REV1: variants seen among roughly 807,000 people sequenced by gnomAD.
REV1 encodes REV1 DNA directed polymerase.
In REV1, 42 loss-of-function variants were observed where a neutral mutation model predicts 137.4. That is an observed-to-expected ratio of 0.31 (90% CI 0.24 to 0.40). The LOEUF is 0.40. REV1 is among the 10% of genes least tolerant of loss of function. REV1 has a pLI of 1.00. For synonymous variants in REV1, 524 were observed against 519.2 expected (o/e 1.01, Z -0.12); for missense variants, 1,282 against 1,490.1 (o/e 0.86, Z 2.30).
rs746740911 is a variant in REV1 at position 99,434,427 on chromosome 2, C to A, written c.1343G>T (p.Ser448Ile). 23 of 1,601,196 alleles carry A rather than the reference C, an allele frequency of 1.4e-5. No homozygotes were observed. Among genetic ancestry groups the A allele is most frequent in the Admixed American group, 3.5e-5 (2 of 57,906 alleles). The stretch of plus-strand genomic sequence containing the variant: ...AGGTGCCCTTCCTGTGCCTCTGTTA[C>A]TTGTAACAGCCACTGGTTTTCCTGT... The part of the protein sequence containing the change: ...DLKGKPVAVT[S>I]NRGTGRAPLR... The change falls in exon 8 of 23, where the codon AGT becomes ATT. Residue 448 changes from serine (S) to isoleucine (I), a missense_variant. Physicochemically the swap from Ser to Ile is moderately radical, Grantham distance 142 (BLOSUM62 -2). This residue lies in a region of REV1 where 432 missense variants were observed against 438.0 expected (regional missense o/e 0.99). Coordinates refer to ENST00000258428, the MANE Select transcript of REV1 (RefSeq NM_016316.4).
intron 1 of REV1, among the ~76,000 whole-genome samples, chr2:99,478,130 G>C (rs898514967): frequency 6.6e-6 from 1 of 152,166 alleles, no homozygotes; most frequent in African/African-American, 2.4e-5. Context: ...CAGCTACTCG[G>C]GAGGCTGAGG....
intron 9 of REV1, chr2:99,424,663 C>A: frequency 1.0e-6 from 1 of 952,720 alleles, no homozygotes; most frequent in Non-Finnish European, 1.4e-6. Flanking sequence ...TCCCCTAATA[C>A]AAGGCACAGT....
At chr2:99,450,315 T>C (rs1682776454) in intron 3 of REV1, among the ~76,000 whole-genome samples, 1 of 152,208 alleles carries the variant, frequency 6.6e-6, no homozygotes, top group Admixed American at 6.5e-5. Context: ...ACTAAAGTCA[T>C]ATTATGGCCT....
intron 1 of REV1, among the ~76,000 whole-genome samples, chr2:99,469,784 C>A (rs776599838): frequency 8.3e-4 from 126 of 152,074 alleles, no homozygotes; most frequent in Non-Finnish European, 1.6e-3. Flanking sequence ...TTTCTTTTTA[C>A]TATAGTTATT....
intron 1 of REV1, among the ~76,000 whole-genome samples, 183 bp from the exon 2 acceptor site, chr2:99,465,168 T>C (rs1253594159): frequency 1.3e-5 from 2 of 148,554 alleles, no homozygotes. Flanking sequence ...GAAATTTGTC[T>C]ATAAAACACC....
intron 3 of REV1, chr2:99,451,597 T>C (rs529504787): frequency 4.0e-6 from 3 of 756,246 alleles, no homozygotes; most frequent in African/African-American, 3.6e-5. Flanking sequence ...TTTGGAGAAG[T>C]TGTTTAACTT....
At chr2:99,444,174 T>C (rs1261182598) in intron 4 of REV1, among the ~76,000 whole-genome samples, 1 of 152,206 alleles carries the variant, frequency 6.6e-6, no homozygotes, top group Non-Finnish European at 1.5e-5. Context: ...CTTTGTTCTG[T>C]GGTATTATGT....
chr2:99,427,118 G>GC (rs1679492007), intron 9 of REV1, among the ~76,000 whole-genome samples: 2 of 152,100 alleles, frequency 1.3e-5, no homozygotes, highest in East Asian at 3.9e-4. Flanking sequence ...GGAGGCAGGG[G>GC]TTGCAGTGAG....
At chr2:99,453,397 T>C (rs1360458250) in intron 3 of REV1, among the ~76,000 whole-genome samples, 2 of 151,846 alleles carry the variant, frequency 1.3e-5, no homozygotes, top group African/African-American at 4.8e-5. Flanking sequence ...TTAACAATAT[T>C]ATCAGTATTA....
intron 4 of REV1, among the ~76,000 whole-genome samples, chr2:99,447,460 G>A (rs1038794644): frequency 4.0e-5 from 6 of 151,620 alleles, no homozygotes; most frequent in Non-Finnish European, 7.4e-5. Flanking sequence ...GTGAGCCACC[G>A]CGCCCAGCCA....
At position 99,438,905 on chromosome 2, in the gene REV1, C is replaced by G. The variant is rs931068964; in HGVS notation, c.909G>C (p.Leu303Phe). ...HRTNSFSLSPLHSNTKINGAH... is the reference protein window; with the variant it reads ...HRTNSFSLSPFHSNTKINGAH... ...CACCATTGATTTTAGTGTTACTGTGCAAAGGTGATAATGAGAAAGAATTAG... is the reference window on the plus strand; with the variant it reads ...CACCATTGATTTTAGTGTTACTGTGGAAAGGTGATAATGAGAAAGAATTAG... Residue 303 changes from leucine (L) to phenylalanine (F), a missense_variant, in exon 6 of 23, where the codon TTG becomes TTC. Leu to Phe is a conservative substitution (Grantham distance 22). Coordinates refer to ENST00000258428, the MANE Select transcript of REV1 (RefSeq NM_016316.4). 6.2e-7 allele frequency: 1 copy of G among 1,614,142 alleles called. No homozygotes were observed. The highest frequency in any genetic ancestry group is 1.6e-4 in the Middle Eastern group (1 of 6,062).
chr2:99,486,738 A>G (rs1198457138), intron 1 of REV1, among the ~76,000 whole-genome samples: 1 of 152,150 alleles, frequency 6.6e-6, no homozygotes, highest in African/African-American at 2.4e-5. Flanking sequence ...TCCAGAGCCA[A>G]TATTTAAATC....
chr2:99,423,823 A>G lies in REV1; in HGVS notation c.1676+329T>C, dbSNP rs369235061. On this transcript the variant is annotated intron_variant, in intron 10 of 22. Coordinates refer to ENST00000258428, the MANE Select transcript of REV1 (RefSeq NM_016316.4). ...TAAAATGAAATAAAAGAGAAAAACC[A>G]GGTTAAAAAATTCCATCCTTCATCT... 5.3e-5 allele frequency among the ~76,000 whole-genome samples: 8 copies of G among 152,360 alleles called. No individual in the cohort carries two copies. The East Asian group carries it at 1.5e-3, about 29-fold the overall frequency.
chr2:99,455,575 A>G (rs562566044), intron 3 of REV1, among the ~76,000 whole-genome samples: 22 of 152,344 alleles, frequency 1.4e-4, no homozygotes, highest in African/African-American at 5.1e-4. Flanking sequence ...GCATAAATTA[A>G]TATGGTAAGT....
intron 13 of REV1, among the ~76,000 whole-genome samples, chr2:99,412,454 A>T (rs1677307914): frequency 6.6e-6 from 1 of 152,018 alleles, no homozygotes; most frequent in Non-Finnish European, 1.5e-5. Flanking sequence ...TTTCACTGTT[A>T]ATTAGAATAA....
At chr2:99,408,155 C>T in intron 14 of REV1, 24 bp from the exon 15 acceptor site, 1 of 1,429,472 alleles carries the variant, frequency 7.0e-7, no homozygotes, top group South Asian at 1.2e-5. Context: ...AATTAAAAAA[C>T]AAAAGCTTCA....
At chr2:99,415,011 A>C (rs950332827) in intron 12 of REV1, among the ~76,000 whole-genome samples, 1 of 152,224 alleles carries the variant, frequency 6.6e-6, no homozygotes, top group Non-Finnish European at 1.5e-5. Flanking sequence ...TCTATGAAAG[A>C]AGCACAGTTC....
chr2:99,406,145 A>G (rs1038530459), intron 16 of REV1, 39 bp from the exon 17 acceptor site: 1 of 1,536,510 alleles, frequency 6.5e-7, no homozygotes, highest in African/African-American at 1.4e-5. Context: ...TCTTCAGATC[A>G]TCGGGCAGGG....
intron 1 of REV1, among the ~76,000 whole-genome samples, chr2:99,479,532 T>C (rs1686379269): frequency 6.6e-6 from 1 of 151,786 alleles, no homozygotes; most frequent in Admixed American, 6.6e-5. Flanking sequence ...ATAACTATAA[T>C]ATGAGATCTG....
Sources: allele counts gnomAD v4.1 joint callset (sites outside exome capture counted in the v4.1 genomes callset), GRCh38; gene constraint gnomAD v4.1.1; regional missense constraint gnomAD v4.1.1; transcripts MANE v1.5; gene names NCBI Gene and HGNC (gene_info 2026-07-23, HGNC 2026-07-21).